The following MYLK3 variants were observed in gnomAD, a reference collection of about 807,000 sequenced individuals.
MYLK3 encodes the protein MLC kinase.
A neutral mutation model predicts 76.3 loss-of-function variants in MYLK3; 55 were observed. The ratio of observed to expected loss-of-function variants is 0.72; its 90% confidence interval spans 0.58 to 0.90. The LOEUF (loss-of-function observed/expected upper bound fraction) is 0.90. Ranked by LOEUF, MYLK3 falls within the 40% of genes least tolerant of loss-of-function variation. The pLI, the probability that MYLK3 is intolerant of heterozygous loss-of-function variation, is 0.00. For missense variants in MYLK3, 973 were observed against 1,053.6 expected (o/e 0.92, Z 1.06); for synonymous variants, 416 against 425.4 (o/e 0.98, Z 0.27).
intron 1 of MYLK3, among the ~76,000 whole-genome samples, chr16:46,758,861 T>A (rs989408071): frequency 6.6e-6 from 1 of 151,788 alleles, no homozygotes; most frequent in African/African-American, 2.4e-5. Flanking sequence ...GCTCTGACGG[T>A]TGTCTGAGAA....
intron 1 of MYLK3, among the ~76,000 whole-genome samples, chr16:46,742,512 G>A (rs1424269327): frequency 6.9e-6 from 1 of 145,978 alleles, no homozygotes; most frequent in Admixed American, 6.8e-5. Context: ...CTGAAGATCT[G>A]GCAACTCTAG....
rs200767810 is a variant in MYLK3, at chr16:46,730,662, C to T, written c.1499G>A (p.Arg500Gln). The change falls in exon 5 of 13, where the codon CGG (arginine) becomes CAG (glutamine). Residue 500 changes from arginine to glutamine, a missense_variant. By Grantham distance (43) the Arg-to-Gln change is conservative (BLOSUM62 1). Coordinates refer to ENST00000394809, the MANE Select transcript of MYLK3 (RefSeq NM_182493.3). ...SPAPPAPFEH[R>Q]VVSVKETSIS... ...GGAGGTCTCCTTGACGCTCACTACCCGGTGTTCAAAAGGAGCTGGTGGGGC... is the reference window on the plus strand; with the variant it reads ...GGAGGTCTCCTTGACGCTCACTACCTGGTGTTCAAAAGGAGCTGGTGGGGC... 9.3e-6 allele frequency: 15 copies of T among 1,613,908 alleles called. No homozygotes were observed. The highest frequency in any genetic ancestry group is 1.3e-5 in the Non-Finnish European group (15 of 1,180,026).
At chr16:46,709,477 G>GT (rs1408641896) in intron 12 of MYLK3, 62 bp downstream of exon 12, 6 of 1,512,798 alleles carry the variant, frequency 4.0e-6, no homozygotes, top group African/African-American at 1.4e-5. Flanking sequence ...CTTAGCTACA[G>GT]TTTTTTCCAA....
At position 46,704,230 on chromosome 16, in the gene MYLK3, C is replaced by G. The variant is rs1966603882; in HGVS notation, c.*3474G>C. The G allele has an allele frequency of 6.6e-6, 1 of 152,142 alleles. No homozygotes were observed. Among genetic ancestry groups the G allele is most frequent in the African/African-American group, 2.4e-5 (1 of 41,394 alleles). 9.4% of individuals were successfully genotyped at this position (152,142 alleles called of 1,614,324 possible). The stretch of plus-strand genomic sequence containing the variant: ...TTAAGTGATTCTTGTGCCTTAGCCT[C>G]CCAAGTAGCTGGGATTACAGGTATG... On this transcript the variant is annotated 3_prime_UTR_variant, in exon 13 of 13. Coordinates refer to ENST00000394809, the MANE Select transcript of MYLK3 (RefSeq NM_182493.3).
In MYLK3 at chr16:46,755,783, T is replaced by C. The variant is rs1967190251; in HGVS notation, c.-114+7257A>G. On this transcript the variant is annotated intron_variant, in intron 1 of 11. Transcript: ENST00000536476. ...GGTCGGGAGGTGCCATGAGAATGCC[T>C]GAGAGGCACCCAGCAAGTGCTCAAA... 2.0e-5 allele frequency among the ~76,000 whole-genome samples: 3 copies of C among 151,998 alleles called. No individual in the cohort carries two copies. The South Asian group carries it at 6.2e-4, about 31-fold the overall frequency.
chr16:46,738,252 CCAAAGACTGGAAG>C, intron 2 of MYLK3, 109 bp from the exon 3 acceptor site: 5 of 1,038,418 alleles, frequency 4.8e-6, no homozygotes, highest in Non-Finnish European at 6.7e-6. Context: ...TTTATAATAG[CCAAAGACTGGAAG>C]CAACCCAAAT....
At chr16:46,725,758 T>A (rs909450272) in intron 8 of MYLK3, 3 of 152,236 alleles carry the variant, frequency 2.0e-5, no homozygotes, top group African/African-American at 7.2e-5. Context: ...GATTTTGGTA[T>A]CAGGATAAGA....
chr16:46,719,227 G>A (rs979006708), intron 9 of MYLK3, among the ~76,000 whole-genome samples: 2 of 151,784 alleles, frequency 1.3e-5, no homozygotes, highest in Admixed American at 1.3e-4. Flanking sequence ...CTTGGGAAGC[G>A]GAGGCAGGAG....
intron 1 of MYLK3, among the ~76,000 whole-genome samples, chr16:46,755,906 C>CTT (rs772833701): frequency 0.016 from 1,702 of 109,594 alleles, 46 homozygotes; most frequent in Admixed American, 0.022. Context: ...TTTTTTCTTT[C>CTT]TTTTTTTTTT....
intron 1 of MYLK3, among the ~76,000 whole-genome samples, chr16:46,758,348 T>G (rs1967232391): frequency 7.6e-6 from 1 of 131,290 alleles, no homozygotes; most frequent in African/African-American, 2.9e-5. Context: ...TCTCTCAACT[T>G]TGGGACCACA....
Position 46,704,801 on chromosome 16 carries a change from A to G in MYLK3, c.*2903T>C, listed in dbSNP as rs1596741330. On this transcript the variant is annotated 3_prime_UTR_variant, in exon 13 of 13. Transcript: ENST00000394809. ...GGAGATGTTTCATAGCATTCTCCAG[A>G]ATCTTAAGTCGAAAACAGGGTATGA... is the stretch of plus-strand genomic sequence containing the variant. 3 of 152,224 alleles carry G rather than the reference A, an allele frequency of 2.0e-5. No individual in the cohort carries two copies. The highest frequency in any genetic ancestry group is 7.2e-5 in the African/African-American group (3 of 41,444). 9.4% of individuals were successfully genotyped at this position (152,224 alleles called of 1,614,324 possible). A position where few individuals can be genotyped will look rare whatever the true frequency, so the allele number is the denominator to read the frequency against.
At chr16:46,736,161 G>A (rs775568671) in intron 3 of MYLK3, among the ~76,000 whole-genome samples, 1 of 152,098 alleles carries the variant, frequency 6.6e-6, no homozygotes, top group Non-Finnish European at 1.5e-5. Flanking sequence ...ACAGGTGCAC[G>A]CCACCATGCC....
chr16:46,725,949 T>C (rs562477516), intron 8 of MYLK3: 1 of 151,266 alleles, frequency 6.6e-6, no homozygotes, highest in African/African-American at 2.4e-5. Flanking sequence ...TCTTCTACAA[T>C]TTTTAGTTTC....
In MYLK3 at chr16:46,705,744, C is replaced by T. The variant is rs1966617592; in HGVS notation, c.*1960G>A. On this transcript the variant is annotated 3_prime_UTR_variant, in exon 13 of 13. Coordinates refer to ENST00000394809, the MANE Select transcript of MYLK3 (RefSeq NM_182493.3). ...GTGTGGTGGCTCACACCTATAATCC[C>T]AGCACTTTGGGAGGCTGGGGCAGGT... is the stretch of plus-strand genomic sequence containing the variant. The T allele has an allele frequency of 6.6e-6, 1 of 152,104 alleles. No homozygotes were observed. Among genetic ancestry groups the T allele is most frequent in the African/African-American group, 2.4e-5 (1 of 41,394 alleles). 9.4% of individuals were successfully genotyped at this position (152,104 alleles called of 1,614,324 possible).
chr16:46,721,247 C>T, intron 8 of MYLK3, 54 bp from the exon 9 acceptor site: 1 of 1,544,228 alleles, frequency 6.5e-7, no homozygotes, highest in Non-Finnish European at 9.0e-7. Context: ...AGGTCTGCAG[C>T]TGCCACACTT....
At chr16:46,745,218 G>A (rs1481557910) in intron 1 of MYLK3, among the ~76,000 whole-genome samples, 2 of 152,110 alleles carry the variant, frequency 1.3e-5, no homozygotes, top group South Asian at 2.1e-4. Flanking sequence ...TCACACTTGT[G>A]TTCAGTGACA....
chr16:46,723,928 C>T (rs142117743), intron 8 of MYLK3, among the ~76,000 whole-genome samples: 28 of 152,274 alleles, frequency 1.8e-4, no homozygotes, highest in African/African-American at 2.6e-4. Flanking sequence ...GGATTACAGG[C>T]GTGAGCCACC....
At chr16:46,739,948 A>C (rs1237241014) in intron 2 of MYLK3, 109 bp downstream of exon 2, 2 of 752,298 alleles carry the variant, frequency 2.7e-6, no homozygotes, top group South Asian at 2.1e-5. Flanking sequence ...AGAAAAAAAG[A>C]AGCTTTGACA....
intron 7 of MYLK3, among the ~76,000 whole-genome samples, chr16:46,728,662 A>C (rs1313171681): frequency 2.6e-5 from 4 of 152,208 alleles, no homozygotes; most frequent in Non-Finnish European, 5.9e-5. Context: ...TCAAGGCTGC[A>C]GTGAGCTGTG....
Sources: allele counts gnomAD v4.1 joint callset (sites outside exome capture counted in the v4.1 genomes callset), GRCh38; gene constraint gnomAD v4.1.1; transcripts MANE v1.5; gene names NCBI Gene and HGNC (gene_info 2026-07-23, HGNC 2026-07-21).